NSMAF: variants seen among roughly 807,000 people sequenced by gnomAD.
NSMAF encodes neutral sphingomyelinase activation associated factor.
A neutral mutation model predicts 134.9 loss-of-function variants in NSMAF; 90 were observed. The ratio of observed to expected loss-of-function variants is 0.67; its 90% CI spans 0.56 to 0.79. NSMAF has a LOEUF of 0.79. Ranked by LOEUF, NSMAF falls within the 30% of genes least tolerant of loss-of-function variation. The pLI is 0.00. For synonymous variants in NSMAF, 358 were observed against 389.6 expected (o/e 0.92, Z 0.96); for missense variants, 1,010 against 1,119.0 (o/e 0.90, Z 1.39).
At chr8:58,628,301 A>G (rs921805797) in intron 6 of NSMAF, among the ~76,000 whole-genome samples, 1 of 152,200 alleles carries the variant, frequency 6.6e-6, no homozygotes, top group African/African-American at 2.4e-5. Flanking sequence ...TAATATTGGA[A>G]AAACTCTTCT....
At chr8:58,658,982 C>T (rs908657818) in intron 1 of NSMAF, among the ~76,000 whole-genome samples, 2 of 152,188 alleles carry the variant, frequency 1.3e-5, no homozygotes, top group East Asian at 1.9e-4. Flanking sequence ...CAGAATCAGG[C>T]CTTTCCGGCG....
intron 9 of NSMAF, among the ~76,000 whole-genome samples, chr8:58,620,074 C>T (rs1806749754): frequency 6.6e-6 from 1 of 152,114 alleles, no homozygotes; most frequent in African/African-American, 2.4e-5. Context: ...TGGGATAATA[C>T]AGAAATGTCA....
At chr8:58,610,922 G>A (rs1415795616) in intron 9 of NSMAF, among the ~76,000 whole-genome samples, 1 of 152,152 alleles carries the variant, frequency 6.6e-6, no homozygotes, top group Non-Finnish European at 1.5e-5. Flanking sequence ...AGGCAGTGTT[G>A]GCTTAAATTT....
intron 2 of NSMAF, among the ~76,000 whole-genome samples, chr8:58,641,732 G>A (rs1274097945): frequency 1.3e-5 from 2 of 152,118 alleles, no homozygotes. Flanking sequence ...TTATATAACT[G>A]CCAGTTCTCT....
chr8:58,603,425 C>T (rs375888563), intron 12 of NSMAF, 39 bp from the exon 13 acceptor site: 92 of 1,603,782 alleles, frequency 5.7e-5, no homozygotes, highest in South Asian at 4.5e-4. Context: ...CACTTAACTT[C>T]GCAAACTTAG....
chr8:58,607,831 C>G lies in NSMAF; in HGVS notation c.697G>C (p.Val233Leu). The G allele has an allele frequency of 6.2e-7, 1 of 1,613,700 alleles. No individual in the cohort carries two copies. The highest frequency in any genetic ancestry group is 8.5e-7 in the Non-Finnish European group (1 of 1,179,620). Residue 233 changes from valine to leucine, a missense_variant, in exon 11 of 31, where the codon GTC becomes CTC. By Grantham distance (32) the Val-to-Leu change is conservative (BLOSUM62 1). Transcript: ENST00000038176. ...QPLNGYPKPV[V>L]QITLQDVRRI... ...CGGACATCTTGGAGTGTTATCTGGACCACAGGTTTCTTTAAAAGTAGAAAG... is the reference window on the plus strand; with the variant it reads ...CGGACATCTTGGAGTGTTATCTGGAGCACAGGTTTCTTTAAAAGTAGAAAG...
At chr8:58,587,726 G>A in intron 26 of NSMAF, 25 bp from the exon 27 acceptor site, 1 of 1,596,410 alleles carries the variant, frequency 6.3e-7, no homozygotes, top group Non-Finnish European at 8.6e-7. Flanking sequence ...ATTGCAGAAG[G>A]TATTTTCAAA....
chr8:58,628,556 A>G (rs899868072), intron 6 of NSMAF, among the ~76,000 whole-genome samples: 3 of 152,210 alleles, frequency 2.0e-5, no homozygotes, highest in African/African-American at 7.2e-5. Flanking sequence ...TTTAATTTGT[A>G]TACCAGAATT....
chr8:58,637,315 C>T lies in NSMAF; in HGVS notation c.150-1769G>A. 2 of 456,060 alleles carry T rather than the reference C, an allele frequency of 4.4e-6. 1 individual carries two copies. Among genetic ancestry groups the T allele is most frequent in the South Asian group, 3.1e-5 (2 of 64,548 alleles). The allele number at this position is 456,060 out of a possible 1,614,324, so 28.3% of individuals were successfully genotyped here. ...AGAATCAGCAATTTCTCCAAAGAACCCCCATCCTTTCAGTGGGAAGTGGTA... is the reference window on the plus strand; with the variant it reads ...AGAATCAGCAATTTCTCCAAAGAACTCCCATCCTTTCAGTGGGAAGTGGTA... On this transcript the variant is annotated intron_variant, in intron 2 of 30. Transcript: ENST00000038176.
chr8:58,646,736 T>C (rs990014515), intron 1 of NSMAF, among the ~76,000 whole-genome samples: 1 of 152,192 alleles, frequency 6.6e-6, no homozygotes, highest in Non-Finnish European at 1.5e-5. Context: ...AAAGAGTCCA[T>C]GCTTAAAAAA....
At chr8:58,585,783 A>C (rs751009344) in intron 29 of NSMAF, 22 bp from the exon 30 acceptor site, 2 of 1,604,528 alleles carry the variant, frequency 1.2e-6, no homozygotes, top group South Asian at 1.1e-5. Flanking sequence ...ATTTAGAAAT[A>C]GTCCTTTCTT....
At chr8:58,634,811 C>G (rs1325266975) in intron 5 of NSMAF, among the ~76,000 whole-genome samples, 1 of 152,038 alleles carries the variant, frequency 6.6e-6, no homozygotes, top group Non-Finnish European at 1.5e-5. Context: ...GATACAAGAC[C>G]ACCAATCCCA....
At chr8:58,612,287 G>A (rs1036079752) in intron 9 of NSMAF, among the ~76,000 whole-genome samples, 8 of 152,186 alleles carry the variant, frequency 5.3e-5, no homozygotes, top group South Asian at 4.2e-4. Flanking sequence ...CCTATGTGAC[G>A]AAACCTCCAT....
intron 6 of NSMAF, among the ~76,000 whole-genome samples, chr8:58,629,514 C>T: frequency 6.6e-6 from 1 of 152,292 alleles, no homozygotes. Context: ...AATATAGCCC[C>T]TTTTCTTTAG....
intron 23 of NSMAF, among the ~76,000 whole-genome samples, chr8:58,592,475 G>A (rs1468533515): frequency 6.6e-6 from 1 of 152,162 alleles, no homozygotes; most frequent in Non-Finnish European, 1.5e-5. Context: ...CTGTATACTA[G>A]AAGAAGATAT....
Position 58,643,089 on chromosome 8 carries a change from A to G in NSMAF, c.60-16T>C. 2 of 1,592,840 alleles carry G rather than the reference A, an allele frequency of 1.3e-6. No individual in the cohort carries two copies. The highest frequency in any genetic ancestry group is 1.7e-6 in the Non-Finnish European group (2 of 1,160,632). On this transcript the variant is annotated splice_polypyrimidine_tract_variant and intron_variant, in intron 1 of 30. Coordinates refer to ENST00000038176, the MANE Select transcript of NSMAF (RefSeq NM_003580.4). Reference sequence around the variant, plus strand: ...CAAGGAAAATCTGGATTTGGGGCGAAAAAACAACTTTCAGTTTATTTTTTA... The same window carrying G: ...CAAGGAAAATCTGGATTTGGGGCGAGAAAACAACTTTCAGTTTATTTTTTA...
intron 2 of NSMAF, among the ~76,000 whole-genome samples, chr8:58,641,694 G>T (rs550749141): frequency 6.6e-6 from 1 of 152,264 alleles, no homozygotes; most frequent in East Asian, 1.9e-4. Context: ...TACAAGTAGT[G>T]CTATAATAAC....
chr8:58,613,765 T>C (rs1197591403), intron 9 of NSMAF, among the ~76,000 whole-genome samples: 1 of 152,220 alleles, frequency 6.6e-6, no homozygotes, highest in East Asian at 1.9e-4. Flanking sequence ...GTATTCCTTA[T>C]TCAAAACACT....
At chr8:58,624,754 G>C (rs1208127567) in intron 6 of NSMAF, among the ~76,000 whole-genome samples, 1 of 152,134 alleles carries the variant, frequency 6.6e-6, no homozygotes, top group African/African-American at 2.4e-5. Context: ...ATATCTGTTA[G>C]GTCCATTGGG....
Sources: allele counts gnomAD v4.1 joint callset (sites outside exome capture counted in the v4.1 genomes callset), GRCh38; gene constraint gnomAD v4.1.1; transcripts MANE v1.5; gene names NCBI Gene and HGNC (gene_info 2026-07-23, HGNC 2026-07-21).